PDXDC1: variants seen among roughly 807,000 people sequenced by gnomAD.
PDXDC1 encodes pyridoxal dependent decarboxylase domain containing 1, also known as pyridoxal-dependent decarboxylase domain-containing protein 1.
Under a neutral mutation model 100.1 loss-of-function variants are expected in PDXDC1, and 42 were observed. The ratio of observed to expected loss-of-function variants is 0.42; its 90% CI spans 0.33 to 0.54. PDXDC1 has a LOEUF of 0.54. Ranked by LOEUF, PDXDC1 falls within the 20% of genes least tolerant of loss-of-function variation. The pLI, the probability that PDXDC1 is intolerant of heterozygous loss-of-function variation, is 0.10. For synonymous variants in PDXDC1, 260 were observed against 371.7 expected, an observed-to-expected ratio of 0.70 and a Z score of 3.46; for missense variants, 636 against 979.2, an observed-to-expected ratio of 0.65 and a Z score of 4.68.
Position 15,034,484 on chromosome 16 carries a change from G to A in PDXDC1, c.1933G>A (p.Gly645Ser), listed in dbSNP as rs754385472. The A allele has an allele frequency of 3.1e-6, 5 of 1,614,000 alleles. No individual in the cohort carries two copies. Among genetic ancestry groups the A allele is most frequent in the African/African-American group, 1.3e-5 (1 of 74,916 alleles). Residue 645 changes from glycine to serine, a missense_variant, in exon 21 of 23, where the codon GGC becomes AGC. Gly to Ser is a moderately conservative substitution (Grantham distance 56). Around this residue, in one of 4 missense-constraint regions of PDXDC1, gnomAD observed 452 missense variants for 402.9 expected, o/e 1.12. Coordinates refer to ENST00000396410, the MANE Select transcript of PDXDC1 (RefSeq NM_015027.4). ...EGVLRQIPVV[G>S]SVLNWFSPVQ... is the part of the protein sequence containing the mutation. ...GGTGTTGCGGCAGATCCCTGTAGTG[G>A]GCTCCGTGCTGAATTGGTTTTCTCC...
chr16:15,065,399 G>A lies in PDXDC1; in HGVS notation c.1399+35343G>A, dbSNP rs1427365903. 2.5e-6 allele frequency: 4 copies of A among 1,605,536 alleles called. No individual in the cohort carries two copies. The African/African-American group carries it at 5.3e-5, about 21-fold the overall frequency. On this transcript the variant is annotated intron_variant, in intron 16 of 16. Coordinates refer to the PDXDC1 transcript ENST00000535621. ...GTGGAACAAAAAAACAACACAGACA[G>A]AGGCATTAACATGCTGGAGTGACTC...
chr16:15,124,112 T>A (rs2047572793), intron 16 of PDXDC1, among the ~76,000 whole-genome samples: 1 of 152,198 alleles, frequency 6.6e-6, no homozygotes, highest in African/African-American at 2.4e-5. Flanking sequence ...ACAAAGTTCA[T>A]CAGCTTCTCT....
At chr16:15,128,361 C>A (rs770495828) in intron 16 of PDXDC1, 5 of 1,605,688 alleles carry the variant, frequency 3.1e-6, no homozygotes, top group African/African-American at 2.7e-5. Flanking sequence ...CCACCCCATA[C>A]AGCATGATGC....
intron 16 of PDXDC1, chr16:15,055,999 A>C: frequency 8.5e-7 from 1 of 1,181,210 alleles, no homozygotes; most frequent in African/African-American, 1.6e-5. Context: ...AGGCAGGCCC[A>C]GGGAGGCGGC....
rs532786596 is a variant in PDXDC1 at position 15,088,028 on chromosome 16, T to C, written c.1400-50851T>C. 7.9e-5 allele frequency among the ~76,000 whole-genome samples: 12 copies of C among 151,960 alleles called. No individual in the cohort carries two copies. In the East Asian group the frequency reaches 1.5e-3, roughly 20 times the overall value. On this transcript the variant is annotated intron_variant, in intron 16 of 16. Coordinates refer to the PDXDC1 transcript ENST00000535621. ...ACTCGGGAGGCTGAGGCAGGAGAAT[T>C]GCTTAAAAAACTCGGAGGCAGAGGT...
At chr16:15,130,689 G>C in intron 16 of PDXDC1, 1 of 1,476,500 alleles carries the variant, frequency 6.8e-7, no homozygotes. Flanking sequence ...GAGGGACTCT[G>C]GGCGGATCCT....
rs1422470572 is a variant in PDXDC1 at position 15,094,316 on chromosome 16, G to A, written c.1400-44563G>A. 4.8e-6 allele frequency: 6 copies of A among 1,262,436 alleles called. No homozygotes were observed. In the Admixed American group the frequency reaches 6.7e-5, roughly 14 times the overall value. The allele number at this position is 1,262,436 out of a possible 1,614,324, so 78.2% of individuals were successfully genotyped here. ...ACAGCCTCTGTCCCGGAAGTTGCGC[G>A]TGCCAGCGCAACCTTCAGCCAATCA... is the stretch of plus-strand genomic sequence containing the variant. On this transcript the variant is annotated intron_variant, in intron 16 of 16. Coordinates refer to the PDXDC1 transcript ENST00000535621.
At chr16:15,150,246 C>T in the PDXDC1 span, among the ~76,000 whole-genome samples, 1 of 152,002 alleles carries the variant, frequency 6.6e-6, no homozygotes, top group Non-Finnish European at 1.5e-5. Context: ...GAGGCTGAGG[C>T]AGGAGAATGG....
intron 16 of PDXDC1, among the ~76,000 whole-genome samples, chr16:15,096,267 C>T (rs1291270048): frequency 6.6e-6 from 1 of 152,066 alleles, no homozygotes; most frequent in African/African-American, 2.4e-5. Context: ...CGCCACCATG[C>T]CCAGCTAATT....
intron 16 of PDXDC1, among the ~76,000 whole-genome samples, chr16:15,087,070 T>C (rs1363812902): frequency 6.6e-6 from 1 of 152,208 alleles, no homozygotes; most frequent in Non-Finnish European, 1.5e-5. Flanking sequence ...TGAAACGCAA[T>C]GTATAAAATA....
At chr16:15,138,034 C>T (rs2048405043) in intron 16 of PDXDC1, 1 of 559,612 alleles carries the variant, frequency 1.8e-6, no homozygotes, top group Admixed American at 2.9e-5. Flanking sequence ...CCTCCCCTGC[C>T]CCAACCAAGC....
At position 15,135,696 on chromosome 16, in the gene PDXDC1, C is replaced by G; in HGVS notation, c.1400-3183C>G. ...CACTGGAAACTGAGCGGCGTCTGGT[C>G]GCCATCCTCCAGGTTGGGGTCGTAG... On this transcript the variant is annotated intron_variant, in intron 16 of 16. Transcript: ENST00000535621. 1.9e-6 allele frequency: 3 copies of G among 1,594,510 alleles called. No homozygotes were observed. The East Asian group carries it at 6.7e-5, about 36-fold the overall frequency.
intron 16 of PDXDC1, chr16:15,060,966 C>T (rs561167150): frequency 1.3e-5 from 2 of 152,264 alleles, no homozygotes; most frequent in African/African-American, 4.8e-5. Context: ...GTGTTTTACA[C>T]AAGCCCGAAC....
chr16:15,123,205 C>A (rs1023161250), intron 16 of PDXDC1, among the ~76,000 whole-genome samples: 1 of 151,248 alleles, frequency 6.6e-6, no homozygotes, highest in Non-Finnish European at 1.5e-5. Flanking sequence ...TTCCAAGTAG[C>A]GCCCGCATCA....
intron 16 of PDXDC1, among the ~76,000 whole-genome samples, chr16:15,069,774 C>G (rs1434953686): frequency 6.6e-6 from 1 of 152,188 alleles, no homozygotes; most frequent in Non-Finnish European, 1.5e-5. Context: ...GCTGGCACAG[C>G]CCAGGGCTCA....
At chr16:14,999,904 A>G (rs1410492645) in intron 3 of PDXDC1, among the ~76,000 whole-genome samples, 1 of 152,282 alleles carries the variant, frequency 6.6e-6, no homozygotes, top group African/African-American at 2.4e-5. Context: ...AGTAAACAGT[A>G]CAACTCCCTT....
At chr16:15,011,900 G>A (rs1217516934) in intron 8 of PDXDC1, among the ~76,000 whole-genome samples, 2 of 152,270 alleles carry the variant, frequency 1.3e-5, no homozygotes, top group African/African-American at 4.8e-5. Context: ...CTGACCTCAG[G>A]TGGTCCACCT....
chr16:15,032,984 C>A lies in PDXDC1; in HGVS notation c.1690+5C>A. 6.7e-7 allele frequency: 1 copy of A among 1,482,146 alleles called. No homozygotes were observed. Among genetic ancestry groups the A allele is most frequent in the Non-Finnish European group, 9.4e-7 (1 of 1,059,432 alleles). 91.8% of individuals were successfully genotyped at this position (1,482,146 alleles called of 1,614,324 possible). On this transcript the variant is annotated splice_donor_5th_base_variant and intron_variant, in intron 18 of 22. Transcript: ENST00000396410. ...CTGACCTAACCTTTAAAATAGGTAA[C>A]TGCTTACTTTGTAAGTCAGCTGTGG...
chr16:15,111,756 CAA>C (rs1202549941), intron 16 of PDXDC1, among the ~76,000 whole-genome samples: 2 of 58,620 alleles, frequency 3.4e-5, no homozygotes, highest in African/African-American at 7.1e-5. Context: ...GACTCCGTCT[CAA>C]AAAAAAAAAA....
Sources: gnomAD v4.1 joint callset for allele counts (sites outside exome capture counted in the v4.1 genomes callset) on GRCh38, gnomAD v4.1.1 for gene constraint, gnomAD v4.1.1 regional missense constraint, MANE v1.5 for transcripts, NCBI Gene and HGNC (gene_info 2026-07-23, HGNC 2026-07-21) for gene names.